ADGRB3: variants seen among roughly 807,000 people sequenced by gnomAD.
ADGRB3 encodes the protein adhesion G protein-coupled receptor B3.
A neutral mutation model predicts 193.4 loss-of-function variants in ADGRB3; 37 were observed. The ratio of observed to expected loss-of-function variants is 0.19; its 90% CI spans 0.15 to 0.25. The LOEUF (loss-of-function observed/expected upper bound fraction) is 0.25, where lower values mean the gene tolerates loss of function less well. ADGRB3 is among the 10% of genes least tolerant of loss of function. The pLI, the probability that ADGRB3 is intolerant of heterozygous loss-of-function variation, is 1.00. For missense variants in ADGRB3, 1,637 were observed against 1,852.9 expected (o/e 0.88, Z 2.14); for synonymous variants, 690 against 644.2 (o/e 1.07, Z -1.08).
At chr6:68,958,698 C>T (rs998790116) in intron 8 of ADGRB3, among the ~76,000 whole-genome samples, 2 of 151,956 alleles carry the variant, frequency 1.3e-5, no homozygotes. Flanking sequence ...ATTATATACA[C>T]TACACATTTT....
intron 3 of ADGRB3, among the ~76,000 whole-genome samples, chr6:68,792,791 C>T (rs139755931): frequency 6.6e-6 from 1 of 152,064 alleles, no homozygotes; most frequent in African/African-American, 2.4e-5. Context: ...CAGTAAACAG[C>T]CTTCCCGCCG....
intron 20 of ADGRB3, among the ~76,000 whole-genome samples, chr6:69,265,877 T>C (rs1205521436): frequency 6.6e-6 from 1 of 151,950 alleles, no homozygotes; most frequent in African/African-American, 2.4e-5. Context: ...GACAAATGAC[T>C]CTTTCAAGGA....
chr6:68,875,478 CA>C (rs1765573488), intron 3 of ADGRB3, among the ~76,000 whole-genome samples: 1 of 151,686 alleles, frequency 6.6e-6, no homozygotes, highest in East Asian at 1.9e-4. Context: ...CATCTAGCAA[CA>C]AATGCACATG....
At chr6:69,305,316 G>A (rs908107891) in intron 20 of ADGRB3, among the ~76,000 whole-genome samples, 1 of 151,496 alleles carries the variant, frequency 6.6e-6, no homozygotes, top group South Asian at 2.1e-4. Flanking sequence ...TTGTTACAGT[G>A]CCACAAAGCT....
At chr6:68,944,705 A>T (rs1253621383) in intron 6 of ADGRB3, among the ~76,000 whole-genome samples, 3 of 152,158 alleles carry the variant, frequency 2.0e-5, no homozygotes, top group South Asian at 4.1e-4. Context: ...CATCAAACAA[A>T]TTCCTCCAAA....
At chr6:68,734,142 A>G (rs1199057696) in intron 3 of ADGRB3, among the ~76,000 whole-genome samples, 1 of 152,032 alleles carries the variant, frequency 6.6e-6, no homozygotes, top group East Asian at 1.9e-4. Context: ...ATGTAAACAT[A>G]CATTTGAAGA....
chr6:68,789,109 AT>A (rs1767043387), intron 3 of ADGRB3, among the ~76,000 whole-genome samples: 1 of 151,780 alleles, frequency 6.6e-6, no homozygotes, highest in Non-Finnish European at 1.5e-5. Context: ...TCTTTATCCA[AT>A]TTGCCAGTCT....
intron 17 of ADGRB3, among the ~76,000 whole-genome samples, chr6:69,133,494 A>T (rs901156350): frequency 1.3e-5 from 2 of 152,062 alleles, no homozygotes; most frequent in Admixed American, 6.6e-5. Context: ...CCAACCAAAA[A>T]ACACCCATGA....
chr6:68,652,498 C>A (rs1768389926), intron 3 of ADGRB3, among the ~76,000 whole-genome samples: 1 of 152,126 alleles, frequency 6.6e-6, no homozygotes, highest in Non-Finnish European at 1.5e-5. Flanking sequence ...CTCTGGTCAT[C>A]TGAACTCCAG....
At chr6:69,102,396 A>G (rs192170075) in intron 17 of ADGRB3, among the ~76,000 whole-genome samples, 58 of 152,338 alleles carry the variant, frequency 3.8e-4, no homozygotes, top group Admixed American at 3.7e-3. Context: ...CATATTTCAA[A>G]TATGTGTATG....
chr6:68,676,730 T>C (rs1195669938), intron 3 of ADGRB3, among the ~76,000 whole-genome samples: 1 of 152,170 alleles, frequency 6.6e-6, no homozygotes, highest in African/African-American at 2.4e-5. Context: ...GAGTGCTAAG[T>C]AAAATGACTT....
chr6:68,926,947 C>A (rs1429440253), intron 3 of ADGRB3, among the ~76,000 whole-genome samples: 3 of 152,024 alleles, frequency 2.0e-5, no homozygotes, highest in Non-Finnish European at 4.4e-5. Context: ...TAAAATTTTT[C>A]TTTCATGTAA....
At chr6:69,187,481 T>C (rs2150353618) in intron 17 of ADGRB3, among the ~76,000 whole-genome samples, 1 of 152,314 alleles carries the variant, frequency 6.6e-6, no homozygotes, top group South Asian at 2.1e-4. Flanking sequence ...TGCTAAATGA[T>C]GTTTTCATCT....
At chr6:68,818,622 G>A (rs374279846) in intron 3 of ADGRB3, among the ~76,000 whole-genome samples, 1 of 151,998 alleles carries the variant, frequency 6.6e-6, no homozygotes, top group Non-Finnish European at 1.5e-5. Context: ...GCCCTCAAAA[G>A]TTTTCTGAAT....
chr6:68,922,948 T>A (rs1767084847), intron 3 of ADGRB3, among the ~76,000 whole-genome samples: 1 of 152,284 alleles, frequency 6.6e-6, no homozygotes, highest in Non-Finnish European at 1.5e-5. Flanking sequence ...AAAGGAATTT[T>A]TACGTAGTAG....
intron 4 of ADGRB3, among the ~76,000 whole-genome samples, chr6:68,931,434 A>G (rs1178616392): frequency 6.6e-6 from 1 of 152,096 alleles, no homozygotes; most frequent in Non-Finnish European, 1.5e-5. Flanking sequence ...TCATCTGAGT[A>G]CATTGCATGT....
intron 17 of ADGRB3, among the ~76,000 whole-genome samples, chr6:69,142,777 C>A (rs1301298714): frequency 6.6e-6 from 1 of 152,166 alleles, no homozygotes; most frequent in African/African-American, 2.4e-5. Flanking sequence ...CTCCTCATGT[C>A]TGTGAGGGGT....
intron 17 of ADGRB3, among the ~76,000 whole-genome samples, chr6:69,079,454 C>A (rs1032352430): frequency 6.6e-6 from 1 of 152,004 alleles, no homozygotes; most frequent in Non-Finnish European, 1.5e-5. Flanking sequence ...TTATGGCAAA[C>A]CTACAGCCAA....
chr6:69,237,081 C>G (rs1766280370), intron 19 of ADGRB3, among the ~76,000 whole-genome samples: 1 of 151,988 alleles, frequency 6.6e-6, no homozygotes, highest in Non-Finnish European at 1.5e-5. Context: ...TAAGCGCCTA[C>G]AGAAACACCA....
Sources: gnomAD v4.1 joint callset for allele counts (sites outside exome capture counted in the v4.1 genomes callset) on GRCh38, gnomAD v4.1.1 for gene constraint, MANE v1.5 for transcripts, NCBI Gene and HGNC (gene_info 2026-07-23, HGNC 2026-07-21) for gene names.